Variants in KIF15 observed in about 807,000 individuals in gnomAD.
KIF15 encodes the protein kinesin-like protein KIF15.
Under a neutral mutation model 190.6 loss-of-function variants are expected in KIF15, and 140 were observed. The observed-to-expected ratio is 0.73, with a 90% CI of 0.64 to 0.84. KIF15 has a LOEUF of 0.84. Ranked by LOEUF, KIF15 falls within the 40% of genes least tolerant of loss-of-function variation. KIF15 has a pLI of 0.00. For synonymous variants in KIF15, 528 were observed against 551.3 expected, an observed-to-expected ratio of 0.96 and a Z score of 0.59; for missense variants, 1,372 against 1,584.4, an observed-to-expected ratio of 0.87 and a Z score of 2.28.
At chr3:44,782,884 G>C (rs1482596406) in intron 5 of KIF15, among the ~76,000 whole-genome samples, 3 of 152,196 alleles carry the variant, frequency 2.0e-5, no homozygotes, top group African/African-American at 7.2e-5. Flanking sequence ...GGGGCTGGTA[G>C]CATGGGAAGT....
rs774785539 is a variant in KIF15, at chr3:44,778,172, A to G, written c.304A>G (p.Asn102Asp). Residue 102 changes from asparagine (N) to aspartate (D), a missense_variant, in exon 4 of 35, where the codon AAT (asparagine) becomes GAT (aspartate). Transcript: ENST00000326047. The stretch of plus-strand genomic sequence containing the variant: ...TGTGGAGTCTTGCATGAGCGGTTAT[A>G]ATGGTACCATCTTTGCATAGTAAGT... ...SIVESCMSGY[N>D]GTIFAYGQTG... 6.2e-7 allele frequency: 1 copy of G among 1,613,424 alleles called. No individual in the cohort carries two copies. Among genetic ancestry groups the G allele is most frequent in the Non-Finnish European group, 8.5e-7 (1 of 1,179,314 alleles).
At chr3:44,799,589 C>T (rs1707162705) in intron 10 of KIF15, among the ~76,000 whole-genome samples, 1 of 147,520 alleles carries the variant, frequency 6.8e-6, no homozygotes, top group East Asian at 2.0e-4. Flanking sequence ...GATAGAGTCT[C>T]GCTCTGTCAA....
At chr3:44,770,498 C>A (rs1229105566) in intron 1 of KIF15, among the ~76,000 whole-genome samples, 1 of 152,130 alleles carries the variant, frequency 6.6e-6, no homozygotes, top group African/African-American at 2.4e-5. Context: ...TTCTTACTCA[C>A]CGCAGATTAG....
chr3:44,805,173 A>G lies in KIF15; in HGVS notation c.1829+5A>G. ...AGAATTCAAAGAACTTACTAGGTAA[A>G]GTCTAAATACACATGCATGCACACT... is the stretch of plus-strand genomic sequence containing the variant. On this transcript the variant is annotated splice_donor_5th_base_variant and intron_variant, in intron 15 of 34. Coordinates refer to ENST00000326047, the MANE Select transcript of KIF15 (RefSeq NM_020242.3). The G allele has an allele frequency of 6.2e-7, 1 of 1,609,232 alleles. No individual in the cohort carries two copies. The highest frequency in any genetic ancestry group is 8.5e-7 in the Non-Finnish European group (1 of 1,178,322).
chr3:44,840,655 A>ATTT lies in KIF15; in HGVS notation c.3420+226_3420+228dup, dbSNP rs60621752. Among the ~76,000 whole-genome samples the ATTT allele has an allele frequency of 3.3e-4, 22 of 67,076 alleles. 1 individual carries two copies. The highest frequency in any genetic ancestry group is 4.5e-4 in the Non-Finnish European group (16 of 35,468). The allele number at this position is 67,076 out of a possible 152,430, so 44.0% of individuals were successfully genotyped here. On this transcript the variant is annotated intron_variant, in intron 28 of 34. Transcript: ENST00000326047. ...ATTAGAATAATAAGCTAAGCAGCGG[A>ATTT]TTTTTTTTTTTTTTTTTTTTTTTTT...
chr3:44,778,315 T>C, intron 4 of KIF15, 124 bp downstream of exon 4: 1 of 798,632 alleles, frequency 1.3e-6, no homozygotes, highest in South Asian at 1.5e-5. Flanking sequence ...TACAGTTCTG[T>C]AAGTGAAAAG....
rs765430819 is a variant in KIF15, at chr3:44,831,055, T to C, written c.3171+37T>C. ...CGCATCACAGCTTCTTTGTTTGCCT[T>C]ATTACTTGTCAATATGTGTATTTGT... On this transcript the variant is annotated intron_variant, in intron 26 of 34. Coordinates refer to ENST00000326047, the MANE Select transcript of KIF15 (RefSeq NM_020242.3). 5.6e-6 allele frequency: 9 copies of C among 1,599,260 alleles called. No homozygotes were observed. The East Asian group carries it at 2.0e-4, about 36-fold the overall frequency.
At chr3:44,809,500 G>A (rs1707689425) in intron 16 of KIF15, among the ~76,000 whole-genome samples, 1 of 151,914 alleles carries the variant, frequency 6.6e-6, no homozygotes. Context: ...TGAGGTGTTT[G>A]TGTATCCACT....
chr3:44,840,655 ATTTTTTTTTTT>A (rs60621752), intron 28 of KIF15, among the ~76,000 whole-genome samples, 199 bp downstream of exon 28: 5 of 67,024 alleles, frequency 7.5e-5, no homozygotes, highest in Non-Finnish European at 8.5e-5. Context: ...TAAGCAGCGG[ATTTTTTTTTTT>A]TTTTTTTTTT....
chr3:44,849,253 C>A (rs1483222788), intron 32 of KIF15, among the ~76,000 whole-genome samples: 2 of 152,096 alleles, frequency 1.3e-5, no homozygotes, highest in Admixed American at 6.6e-5. Context: ...GACTTTATAT[C>A]TAAAATTTTT....
At chr3:44,829,438 ATATAT>A (rs1313020127) in intron 24 of KIF15, among the ~76,000 whole-genome samples, 1 of 138,922 alleles carries the variant, frequency 7.2e-6, no homozygotes. Context: ...ATATATATGT[ATATAT>A]TATATACGCA....
Position 44,785,973 on chromosome 3 carries a change from C to T in KIF15, c.460-422C>T, listed in dbSNP as rs182920358. 3.7e-3 allele frequency among the ~76,000 whole-genome samples: 566 copies of T among 152,318 alleles called. 5 individuals carry two copies. The highest frequency in any genetic ancestry group is 0.012 in the African/African-American group (493 of 41,586). The stretch of plus-strand genomic sequence containing the variant: ...CGGTGGCTCACGCCTGTAATCCCAG[C>T]ACTTTGGGAGGCCGAGGCAAATCAC... On this transcript the variant is annotated intron_variant, in intron 6 of 34. Coordinates refer to ENST00000326047, the MANE Select transcript of KIF15 (RefSeq NM_020242.3).
intron 1 of KIF15, among the ~76,000 whole-genome samples, chr3:44,769,084 T>A (rs10865935): frequency 0.6 from 91,557 of 152,026 alleles, 28,116 homozygotes; most frequent in East Asian, 0.89. Context: ...TCCTAAGCTA[T>A]TCTCAAGTTT....
At chr3:44,795,643 C>A (rs1706939881) in intron 8 of KIF15, among the ~76,000 whole-genome samples, 1 of 150,910 alleles carries the variant, frequency 6.6e-6, no homozygotes, top group Non-Finnish European at 1.5e-5. Context: ...AACAGTGGGA[C>A]CAGAGGTTCT....
At chr3:44,802,059 A>T (rs1707301975) in intron 13 of KIF15, 85 bp downstream of exon 13, 1 of 893,992 alleles carries the variant, frequency 1.1e-6, no homozygotes, top group Non-Finnish European at 1.7e-6. Flanking sequence ...TTGTTCTTTA[A>T]TACAATGGAA....
At chr3:44,828,321 C>T in intron 24 of KIF15, 21 bp downstream of exon 24, 7 of 1,517,854 alleles carry the variant, frequency 4.6e-6, no homozygotes, top group Middle Eastern at 1.7e-4. Flanking sequence ...TTTGAAGCTA[C>T]ATCTCTCTGT....
intron 7 of KIF15, among the ~76,000 whole-genome samples, chr3:44,788,142 C>T (rs1236644541): frequency 1.3e-5 from 2 of 152,174 alleles, no homozygotes; most frequent in African/African-American, 4.8e-5. Context: ...CATGAGCTAC[C>T]GTGCCCGGCA....
rs979480659 is a variant in KIF15 at position 44,859,052 on chromosome 3, G to A, written c.*59+6258G>A. Among the ~76,000 whole-genome samples, 3 of 152,344 alleles carry A rather than the reference G, an allele frequency of 2.0e-5. 1 individual carries two copies. The South Asian group carries it at 6.2e-4, about 32-fold the overall frequency. The stretch of plus-strand genomic sequence containing the variant: ...GGCAAGCTGGACAGTCTGATTTCCA[G>A]TGGGGTCCCGCACAGTTGGGACACG... On this transcript the variant is annotated intron_variant and NMD_transcript_variant, in intron 6 of 6. Transcript: ENST00000422209.
chr3:44,819,388 A>G (rs887520465), intron 20 of KIF15, among the ~76,000 whole-genome samples: 2 of 152,206 alleles, frequency 1.3e-5, no homozygotes, highest in Non-Finnish European at 2.9e-5. Context: ...ATTTAGTGCT[A>G]TGAATTTCCC....
Sources: allele counts gnomAD v4.1 joint callset (sites outside exome capture counted in the v4.1 genomes callset), GRCh38; gene constraint gnomAD v4.1.1; transcripts MANE v1.5; gene names NCBI Gene and HGNC (gene_info 2026-07-23, HGNC 2026-07-21).